CDH18: variants seen among roughly 807,000 people sequenced by gnomAD.
CDH18 encodes the protein cadherin-18.
In CDH18, 31 loss-of-function variants were observed where a neutral mutation model predicts 67.9. The ratio of observed to expected loss-of-function variants is 0.46; its 90% CI spans 0.34 to 0.62. The LOEUF (loss-of-function observed/expected upper bound fraction) is 0.62. Among genes scored for constraint, CDH18 ranks in the 20% least tolerant of loss-of-function variants. CDH18 has a pLI of 0.01. For synonymous variants in CDH18, 362 were observed against 347.2 expected, an observed-to-expected ratio of 1.04 and a Z score of -0.48; for missense variants, 890 against 975.5, an observed-to-expected ratio of 0.91 and a Z score of 1.17.
At chr5:19,981,941 C>T (rs946021295) in intron 1 of CDH18, among the ~76,000 whole-genome samples, 7 of 152,126 alleles carry the variant, frequency 4.6e-5, no homozygotes, top group African/African-American at 1.4e-4. Context: ...CAATTTTCTA[C>T]AAATACTACA....
chr5:19,937,789 G>GT lies in CDH18; in HGVS notation c.-257+43270dup, dbSNP rs771421152. ...CTTGAAGAACAAAAAAATTTCAGCA[G>GT]TTATATATATAGAGAGAGACATTTT... On this transcript the variant is annotated intron_variant, in intron 2 of 12. Coordinates refer to ENST00000382275, the MANE Select transcript of CDH18 (RefSeq NM_004934.5). 1.5e-3 allele frequency among the ~76,000 whole-genome samples: 221 copies of GT among 150,456 alleles called. 1 individual carries two copies. Among genetic ancestry groups the GT allele is most frequent in the Non-Finnish European group, 2.7e-3 (182 of 67,236 alleles).
intron 2 of CDH18, among the ~76,000 whole-genome samples, chr5:20,045,866 G>A (rs12518408): frequency 0.29 from 43,640 of 151,848 alleles, 7,741 homozygotes; most frequent in Non-Finnish European, 0.38. Context: ...ACCAGACATC[G>A]AATCTGTTGG....
At chr5:19,838,699 G>A (rs1781938702) in intron 3 of CDH18, 60 bp downstream of exon 3, 1 of 1,115,826 alleles carries the variant, frequency 9.0e-7, no homozygotes, top group African/African-American at 1.5e-5. Flanking sequence ...TCCAACATGA[G>A]CTCATCTTAC....
At chr5:20,022,800 G>A (rs1018724542) in intron 2 of CDH18, among the ~76,000 whole-genome samples, 2 of 152,080 alleles carry the variant, frequency 1.3e-5, no homozygotes, top group Non-Finnish European at 2.9e-5. Flanking sequence ...TATTTTAATT[G>A]TAGAAAGGAA....
At chr5:19,755,427 G>GGATATATATATA (rs1771413207) in intron 3 of CDH18, among the ~76,000 whole-genome samples, 1 of 44,660 alleles carries the variant, frequency 2.2e-5, no homozygotes, top group Non-Finnish European at 4.7e-5. Flanking sequence ...AACTAACAGG[G>GGATATATATATA]TATGTATATA....
chr5:20,258,333 A>G (rs537442420), intron 1 of CDH18, among the ~76,000 whole-genome samples: 3 of 152,250 alleles, frequency 2.0e-5, no homozygotes, highest in Non-Finnish European at 4.4e-5. Flanking sequence ...TCCTCCTCCA[A>G]GGAAAACTCA....
intron 2 of CDH18, among the ~76,000 whole-genome samples, chr5:20,024,230 ATTTG>A (rs1738688570): frequency 6.6e-6 from 1 of 152,220 alleles, no homozygotes; most frequent in Non-Finnish European, 1.5e-5. Context: ...AAATGTAAAT[ATTTG>A]TTTGGCCAAA....
chr5:19,513,658 C>T (rs1384156271), intron 10 of CDH18, among the ~76,000 whole-genome samples: 1 of 151,970 alleles, frequency 6.6e-6, no homozygotes, highest in African/African-American at 2.4e-5. Context: ...TTTTAATTTG[C>T]ATTATTTTAT....
At chr5:19,640,524 C>G (rs557832608) in intron 5 of CDH18, among the ~76,000 whole-genome samples, 1 of 152,016 alleles carries the variant, frequency 6.6e-6, no homozygotes, top group Non-Finnish European at 1.5e-5. Flanking sequence ...CAAAGGAATA[C>G]GGCAAGACAA....
At chr5:19,783,103 T>G (rs1775316197) in intron 3 of CDH18, among the ~76,000 whole-genome samples, 1 of 152,210 alleles carries the variant, frequency 6.6e-6, no homozygotes, top group African/African-American at 2.4e-5. Flanking sequence ...TTAACTTTGT[T>G]TCTGCCTAAT....
chr5:20,066,108 A>G (rs772311880), intron 2 of CDH18, among the ~76,000 whole-genome samples: 4 of 152,068 alleles, frequency 2.6e-5, no homozygotes, highest in African/African-American at 7.2e-5. Flanking sequence ...AAGTAACAAA[A>G]ACTACATCAA....
intron 1 of CDH18, among the ~76,000 whole-genome samples, chr5:20,397,139 T>C (rs962367606): frequency 6.6e-6 from 1 of 152,104 alleles, no homozygotes; most frequent in African/African-American, 2.4e-5. Flanking sequence ...TTGTGGTGTT[T>C]GTTTGTTTTC....
intron 1 of CDH18, among the ~76,000 whole-genome samples, chr5:20,350,537 C>G (rs1214646545): frequency 6.6e-6 from 1 of 151,990 alleles, no homozygotes; most frequent in African/African-American, 2.4e-5. Flanking sequence ...ACTACCATCC[C>G]CAGCTTGCCA....
At chr5:20,396,718 CTG>C (rs1179650703) in intron 1 of CDH18, among the ~76,000 whole-genome samples, 1 of 152,090 alleles carries the variant, frequency 6.6e-6, no homozygotes, top group Non-Finnish European at 1.5e-5. Flanking sequence ...AAAATCAAAA[CTG>C]AATGTAAAAC....
intron 2 of CDH18, among the ~76,000 whole-genome samples, chr5:19,933,271 C>A (rs1285619339): frequency 6.6e-6 from 1 of 151,380 alleles, no homozygotes; most frequent in Non-Finnish European, 1.5e-5. Flanking sequence ...GTATTATCTG[C>A]CTTTTTCCTC....
intron 3 of CDH18, among the ~76,000 whole-genome samples, chr5:19,822,597 C>T (rs940719641): frequency 1.3e-5 from 2 of 152,116 alleles, no homozygotes; most frequent in East Asian, 3.9e-4. Flanking sequence ...GCCGCAAAAC[C>T]AGCAAGTTTT....
intron 1 of CDH18, among the ~76,000 whole-genome samples, chr5:20,533,804 A>G (rs1756555619): frequency 6.6e-6 from 1 of 152,034 alleles, no homozygotes; most frequent in African/African-American, 2.4e-5. Context: ...TTGACCTCAA[A>G]TGATATTCAT....
Position 20,364,919 on chromosome 5 carries a change from C to A in CDH18, c.-579-109414G>T, listed in dbSNP as rs1392821767. Among the ~76,000 whole-genome samples the A allele has an allele frequency of 2.0e-5, 3 of 152,212 alleles. No individual in the cohort carries two copies. The South Asian group carries it at 6.2e-4, about 32-fold the overall frequency. On this transcript the variant is annotated intron_variant, in intron 1 of 14. Coordinates refer to the CDH18 transcript ENST00000507958. ...ATAGTTACTTAATGACTCAAGAGTA[C>A]ATGGGAATTGTTTTTTGAGGATGGA...
At chr5:20,194,746 C>A (rs1171177038) in intron 2 of CDH18, among the ~76,000 whole-genome samples, 1 of 151,860 alleles carries the variant, frequency 6.6e-6, no homozygotes, top group South Asian at 2.1e-4. Context: ...TCCCTGAATA[C>A]TAGAGTTGAT....
Sources: gnomAD v4.1 joint callset for allele counts (sites outside exome capture counted in the v4.1 genomes callset) on GRCh38, gnomAD v4.1.1 for gene constraint, MANE v1.5 for transcripts, NCBI Gene and HGNC (gene_info 2026-07-23, HGNC 2026-07-21) for gene names.